The following ATXN1 variants were observed in gnomAD, a reference collection of about 807,000 sequenced individuals.
The protein encoded by ATXN1 is ataxin-1.
In ATXN1, 8 loss-of-function variants were observed where a neutral mutation model predicts 56.4. The ratio of observed to expected loss-of-function variants is 0.14; its 90% CI spans 0.08 to 0.26. The LOEUF is 0.26. Ranked by LOEUF, ATXN1 falls within the 10% of genes least tolerant of loss-of-function variation. The pLI is 1.00. For missense variants in ATXN1, 987 were observed against 1,106.5 expected (o/e 0.89, Z 1.53); for synonymous variants, 514 against 494.6 (o/e 1.04, Z -0.52).
At chr6:16,368,343 C>CTTCTTTTTTTTTTTTTTTTTTTTTTTT (rs1354007963) in intron 6 of ATXN1, among the ~76,000 whole-genome samples, 2 of 75,916 alleles carry the variant, frequency 2.6e-5, no homozygotes, top group African/African-American at 7.7e-5. Context: ...ACTTCTTCTT[C>CTTCTTTTTTTTTTTTTTTTTTTTTTTT]TTTTTTTTTT....
At chr6:16,568,415 T>G (rs1479746193) in intron 4 of ATXN1, among the ~76,000 whole-genome samples, 6 of 152,242 alleles carry the variant, frequency 3.9e-5, no homozygotes, top group Non-Finnish European at 5.9e-5. Context: ...CAGGCAGTTC[T>G]CAATGTATGA....
chr6:16,664,560 C>T (rs1460190890), intron 2 of ATXN1, among the ~76,000 whole-genome samples: 3 of 152,076 alleles, frequency 2.0e-5, no homozygotes, highest in Non-Finnish European at 4.4e-5. Flanking sequence ...TGGAGGGTCT[C>T]ATATGTTCAT....
chr6:16,347,466 G>A (rs1761442086), intron 6 of ATXN1, among the ~76,000 whole-genome samples: 1 of 152,052 alleles, frequency 6.6e-6, no homozygotes, highest in African/African-American at 2.4e-5. Context: ...AGCTACTCTG[G>A]TGGGGACTTG....
chr6:16,728,691 C>T (rs892311697), intron 2 of ATXN1, among the ~76,000 whole-genome samples: 3 of 152,072 alleles, frequency 2.0e-5, no homozygotes, highest in Admixed American at 2.0e-4. Context: ...GACTATAATC[C>T]CCACTCTTCA....
chr6:16,466,778 G>A (rs1760117733), intron 6 of ATXN1, among the ~76,000 whole-genome samples: 1 of 152,166 alleles, frequency 6.6e-6, no homozygotes, highest in Admixed American at 6.5e-5. Context: ...TGGGCAGGTA[G>A]ATAATAATGA....
chr6:16,520,919 A>C (rs1561737320), intron 5 of ATXN1, among the ~76,000 whole-genome samples: 1 of 152,214 alleles, frequency 6.6e-6, no homozygotes. Flanking sequence ...GTACATAAGG[A>C]GATGATCAAG....
intron 2 of ATXN1, among the ~76,000 whole-genome samples, chr6:16,712,720 T>TC: frequency 6.6e-6 from 1 of 151,800 alleles, no homozygotes. Context: ...TTTTGCTTTT[T>TC]TTTTTTTTCT....
Position 16,631,439 on chromosome 6 carries a change from A to G in ATXN1, c.-489+26337T>C, listed in dbSNP as rs1364418040. Among the ~76,000 whole-genome samples the G allele has an allele frequency of 5.3e-5, 8 of 152,198 alleles. No individual in the cohort carries two copies. The East Asian group carries it at 7.7e-4, about 15-fold the overall frequency. ...CTATATTTGCCCCTTGAGTCCCTTG[A>G]ATATTGGTGCCACACTCTGCTCAGC... On this transcript the variant is annotated intron_variant, in intron 3 of 7. Coordinates refer to ENST00000436367, the MANE Select transcript of ATXN1 (RefSeq NM_001128164.2).
intron 6 of ATXN1, among the ~76,000 whole-genome samples, chr6:16,451,074 C>G (rs917597249): frequency 1.3e-5 from 2 of 152,216 alleles, no homozygotes; most frequent in African/African-American, 2.4e-5. Flanking sequence ...TTGGCTTAAA[C>G]CGAAGTCAAT....
intron 2 of ATXN1, among the ~76,000 whole-genome samples, chr6:16,701,069 T>A (rs191844726): frequency 2.3e-4 from 35 of 151,890 alleles, no homozygotes; most frequent in African/African-American, 6.3e-4. Flanking sequence ...GGCATCAGGG[T>A]GATAAACCCT....
At chr6:16,442,191 C>A (rs1759531231) in intron 6 of ATXN1, among the ~76,000 whole-genome samples, 1 of 152,174 alleles carries the variant, frequency 6.6e-6, no homozygotes, top group African/African-American at 2.4e-5. Context: ...TCAGGAAAGA[C>A]AACTAAGCCA....
intron 3 of ATXN1, among the ~76,000 whole-genome samples, chr6:16,622,448 C>T (rs899589132): frequency 3.3e-5 from 5 of 152,094 alleles, no homozygotes; most frequent in African/African-American, 1.2e-4. Context: ...CGAATAGGTA[C>T]AGCCCACATT....
At chr6:16,615,067 G>C (rs901070114) in intron 3 of ATXN1, 7 of 149,930 alleles carry the variant, frequency 4.7e-5, no homozygotes, top group African/African-American at 9.8e-5. Flanking sequence ...GGGGTGGGGA[G>C]GCTTTCATAA....
intron 3 of ATXN1, among the ~76,000 whole-genome samples, chr6:16,593,360 A>T (rs1353942757): frequency 6.6e-6 from 1 of 152,246 alleles, no homozygotes; most frequent in Non-Finnish European, 1.5e-5. Flanking sequence ...GTTAGGAAAT[A>T]GAGATGGAAA....
At chr6:16,571,119 G>A (rs935509703) in intron 4 of ATXN1, among the ~76,000 whole-genome samples, 2 of 152,090 alleles carry the variant, frequency 1.3e-5, no homozygotes, top group East Asian at 1.9e-4. Flanking sequence ...AATGGTTCCC[G>A]AGTTCAGCAT....
At chr6:16,649,907 G>A (rs963518600) in intron 3 of ATXN1, among the ~76,000 whole-genome samples, 1 of 151,742 alleles carries the variant, frequency 6.6e-6, no homozygotes, top group South Asian at 2.1e-4. Context: ...GCAGAAAATT[G>A]CAATATAATA....
chr6:16,321,262 G>A (rs1188378780), intron 7 of ATXN1, among the ~76,000 whole-genome samples: 2 of 152,036 alleles, frequency 1.3e-5, no homozygotes, highest in Non-Finnish European at 2.9e-5. Context: ...GTCGCATCTG[G>A]ATGCGCCACA....
intron 5 of ATXN1, among the ~76,000 whole-genome samples, chr6:16,495,591 G>A (rs1009917936): frequency 7.9e-5 from 12 of 152,184 alleles, no homozygotes; most frequent in African/African-American, 2.2e-4. Flanking sequence ...GGCTAGGCGT[G>A]GTGGCTTACG....
At chr6:16,753,174 T>A in intron 2 of ATXN1, 59 bp downstream of exon 2, 1 of 450,190 alleles carries the variant, frequency 2.2e-6, no homozygotes, top group South Asian at 1.6e-5. Flanking sequence ...TAGGAGGCAA[T>A]TTTCCAGGTC....
Sources: gnomAD v4.1 joint callset for allele counts (sites outside exome capture counted in the v4.1 genomes callset) on GRCh38, gnomAD v4.1.1 for gene constraint, MANE v1.5 for transcripts, NCBI Gene and HGNC (gene_info 2026-07-23, HGNC 2026-07-21) for gene names.